Variants in STK32C observed in about 807,000 individuals in gnomAD.
The protein encoded by STK32C is serine/threonine kinase 32C, also known as serine/threonine-protein kinase 32C.
In STK32C, 31 loss-of-function variants were observed where a neutral mutation model predicts 56.5. The observed-to-expected ratio is 0.55, with a 90% confidence interval of 0.41 to 0.74. The LOEUF is 0.74. Among genes scored for constraint, STK32C ranks in the 30% least tolerant of loss-of-function variants. The probability of loss-of-function intolerance (pLI) is 0.00; values close to 1 mark genes in which losing one functional copy is unlikely to be tolerated. For synonymous variants in STK32C, 309 were observed against 289.4 expected (o/e 1.07, Z -0.69); for missense variants, 544 against 676.9 (o/e 0.80, Z 2.18).
At chr10:132,243,954 A>G (rs1438090666) in intron 2 of STK32C, among the ~76,000 whole-genome samples, 1 of 152,198 alleles carries the variant, frequency 6.6e-6, no homozygotes, top group Non-Finnish European at 1.5e-5. Flanking sequence ...GCAGGGAAAC[A>G]GGGGTGGCTG....
intron 1 of STK32C, among the ~76,000 whole-genome samples, chr10:132,278,796 T>C (rs1422392330): frequency 6.8e-6 from 1 of 147,776 alleles, no homozygotes; most frequent in African/African-American, 2.5e-5. Flanking sequence ...TACTACAAAC[T>C]GAGAAAAAGC....
In STK32C at chr10:132,307,416, G is replaced by C. The variant is rs2066111581; in HGVS notation, c.262+156C>G. On this transcript the variant is annotated intron_variant, in intron 1 of 11. Transcript: ENST00000298630. The surrounding 1 kb of genome is among the most constrained non-coding windows in gnomAD (Gnocchi z 4.4). ...CGGGCGGGCGCCCAGAACTCGCGTG[G>C]GGCCGCAGCCACCCGGCGCGAGCTT... Among the ~76,000 whole-genome samples, 1 of 151,994 alleles carries C rather than the reference G, an allele frequency of 6.6e-6. No individual in the cohort carries two copies. Among genetic ancestry groups the C allele is most frequent in the Admixed American group, 6.5e-5 (1 of 15,300 alleles).
At chr10:132,268,811 CGG>C (rs2064705752) in intron 1 of STK32C, among the ~76,000 whole-genome samples, 2 of 115,194 alleles carry the variant, frequency 1.7e-5, no homozygotes, top group African/African-American at 3.4e-5. Flanking sequence ...GTGTGTGTGT[CGG>C]TGTGTGTGCA....
chr10:132,240,691 T>G (rs2063470319), intron 2 of STK32C, among the ~76,000 whole-genome samples: 1 of 152,008 alleles, frequency 6.6e-6, no homozygotes, highest in Admixed American at 6.5e-5. Flanking sequence ...CGTGCGCCTG[T>G]GCTTCTCTCT....
intron 10 of STK32C, among the ~76,000 whole-genome samples, chr10:132,218,160 T>G (rs1427683690): frequency 6.6e-6 from 1 of 151,968 alleles, no homozygotes; most frequent in Non-Finnish European, 1.5e-5. Flanking sequence ...CAACAAAATT[T>G]TTTTCAAATG....
intron 1 of STK32C, among the ~76,000 whole-genome samples, chr10:132,291,246 G>A (rs937011599): frequency 4.6e-5 from 7 of 152,214 alleles, no homozygotes; most frequent in Admixed American, 4.6e-4. Context: ...GTTCATTTTG[G>A]CACAGGTTTC....
intron 1 of STK32C, among the ~76,000 whole-genome samples, chr10:132,290,886 A>G (rs1437916879): frequency 6.6e-6 from 1 of 151,852 alleles, no homozygotes; most frequent in African/African-American, 2.4e-5. Context: ...CACCATGTCC[A>G]GGGATACCCA....
intron 1 of STK32C, among the ~76,000 whole-genome samples, chr10:132,294,536 C>T (rs528767573): frequency 1.3e-5 from 2 of 152,282 alleles, no homozygotes; most frequent in East Asian, 3.9e-4. Flanking sequence ...AAGCATGTTG[C>T]TTATTCACTC....
In STK32C at chr10:132,224,628, C is replaced by T. The variant is rs2062813874; in HGVS notation, c.877-105G>A. 6.2e-6 allele frequency: 5 copies of T among 809,328 alleles called. No individual in the cohort carries two copies. In the East Asian group the frequency reaches 1.1e-4, roughly 17 times the overall value. 50.1% of individuals were successfully genotyped at this position (809,328 alleles called of 1,614,324 possible). A position where few individuals can be genotyped will look rare whatever the true frequency, so the allele number is the denominator to read the frequency against. On this transcript the variant is annotated intron_variant, in intron 7 of 11. Transcript: ENST00000298630. ...GCCCTGAGAGGACCCCCTCCCCCCA[C>T]CCCAAGTGCAGGCACAGCTCTGAGC... is the stretch of plus-strand genomic sequence containing the variant.
At chr10:132,295,957 C>A (rs1392630223) in intron 1 of STK32C, among the ~76,000 whole-genome samples, 1 of 151,604 alleles carries the variant, frequency 6.6e-6, no homozygotes, top group Non-Finnish European at 1.5e-5. Context: ...CCCCCACACC[C>A]GGTGTGGGCT....
intron 1 of STK32C, among the ~76,000 whole-genome samples, chr10:132,299,962 A>T (rs2065865773): frequency 6.6e-6 from 1 of 152,228 alleles, no homozygotes. Flanking sequence ...TGCATGGAGT[A>T]GGCGGCACCA....
chr10:132,302,897 C>G (rs556245850), intron 1 of STK32C, among the ~76,000 whole-genome samples: 1 of 152,240 alleles, frequency 6.6e-6, no homozygotes, highest in East Asian at 1.9e-4. Context: ...ATCACGGGGC[C>G]ACTAGAGTCA....
intron 5 of STK32C, 43 bp downstream of exon 5, chr10:132,225,704 C>T: frequency 3.1e-6 from 5 of 1,613,346 alleles, no homozygotes; most frequent in Non-Finnish European, 4.2e-6. Flanking sequence ...AGGCCCATCC[C>T]TGCCACCACC....
chr10:132,324,305 T>C, exon 2 of STK32C: 2 of 779,794 alleles, frequency 2.6e-6, no homozygotes, highest in East Asian at 2.4e-5. Context: ...GGCTGCAGCT[T>C]CTTGTCTTTC....
At chr10:132,209,173 G>A (rs1337128600) in intron 10 of STK32C, 72 bp from the exon 11 acceptor site, 1 of 1,414,490 alleles carries the variant, frequency 7.1e-7, no homozygotes, top group Non-Finnish European at 1.0e-6. Flanking sequence ...TCAAGTGAGT[G>A]TCTGGGCATC....
downstream of STK32C, among the ~76,000 whole-genome samples, chr10:132,323,405 T>C (rs1240824739): frequency 6.6e-6 from 1 of 152,184 alleles, no homozygotes; most frequent in Non-Finnish European, 1.5e-5. This position sits in a 1 kb window ranked among gnomAD's most constrained non-coding sequence, Gnocchi z 4.8. Flanking sequence ...TCCCTAGCGT[T>C]CTCACTGGCC....
At chr10:132,234,471 T>C (rs572292407) in intron 2 of STK32C, among the ~76,000 whole-genome samples, 61 of 152,356 alleles carry the variant, frequency 4.0e-4, no homozygotes, top group African/African-American at 1.3e-3. Flanking sequence ...GTGAGGTCTC[T>C]ATGAATTCTT....
rs897701836 is a variant in STK32C, at chr10:132,278,904, C to T, written c.262+28668G>A. Among the ~76,000 whole-genome samples, 9 of 152,186 alleles carry T rather than the reference C, an allele frequency of 5.9e-5. No homozygotes were observed. The South Asian group carries it at 1.0e-3, about 18-fold the overall frequency. ...ACCCAACAGGAGACGGGGCAGAGGC[C>T]ACGAGGGCCACTCATGGTACAAGAG... On this transcript the variant is annotated intron_variant, in intron 1 of 11. Coordinates refer to ENST00000298630, the MANE Select transcript of STK32C (RefSeq NM_173575.4).
At position 132,307,874 on chromosome 10, in the gene STK32C, T is replaced by G. The variant is rs1191790740; in HGVS notation, c.-41A>C. 1 of 1,140,630 alleles carries G rather than the reference T, an allele frequency of 8.8e-7. No individual in the cohort carries two copies. The highest frequency in any genetic ancestry group is 1.7e-5 in the African/African-American group (1 of 58,114). 70.7% of individuals were successfully genotyped at this position (1,140,630 alleles called of 1,614,324 possible). ...CGCGCGGCAGCCGGAACTCGGGGCA[T>G]GGCCGGCCGGCAGGGCCGGGAGCGG... On this transcript the variant is annotated 5_prime_UTR_variant, in exon 1 of 12. It removes an upstream start codon present in the reference 5' UTR. Coordinates refer to ENST00000298630, the MANE Select transcript of STK32C (RefSeq NM_173575.4). This position sits in a 1 kb window ranked among gnomAD's most constrained non-coding sequence, Gnocchi z 4.4.
Sources: allele counts gnomAD v4.1 joint callset (sites outside exome capture counted in the v4.1 genomes callset), GRCh38; gene constraint gnomAD v4.1.1; non-coding constraint Gnocchi (gnomAD v3.1); transcripts MANE v1.5; gene names NCBI Gene and HGNC (gene_info 2026-07-23, HGNC 2026-07-21).